AK4: variants seen among roughly 807,000 people sequenced by gnomAD.
AK4 encodes the protein adenylate kinase 4, mitochondrial.
In AK4, 13 loss-of-function variants were observed where a neutral mutation model predicts 24.6. That is an observed-to-expected ratio of 0.53 (90% CI 0.34 to 0.84). The LOEUF (loss-of-function observed/expected upper bound fraction) is 0.84. Ranked by LOEUF, AK4 falls within the 40% of genes least tolerant of loss-of-function variation. The pLI, the probability that AK4 is intolerant of heterozygous loss-of-function variation, is 0.01. For synonymous variants in AK4, 88 were observed against 107.0 expected (o/e 0.82, Z 1.10); for missense variants, 192 against 288.2 (o/e 0.67, Z 2.42).
At chr1:65,152,694 T>A (rs1191667058) in intron 1 of AK4, among the ~76,000 whole-genome samples, 1 of 151,992 alleles carries the variant, frequency 6.6e-6, no homozygotes, top group African/African-American at 2.4e-5. Context: ...CCACCGCACC[T>A]GGCCTCTGCT....
At chr1:65,155,271 G>C (rs904539619) in intron 1 of AK4, among the ~76,000 whole-genome samples, 2 of 150,662 alleles carry the variant, frequency 1.3e-5, no homozygotes, top group African/African-American at 4.9e-5. Context: ...CCAGGAGTTC[G>C]AGACCAGCCT....
At chr1:65,170,533 G>A (rs1650480603) in intron 1 of AK4, among the ~76,000 whole-genome samples, 1 of 152,234 alleles carries the variant, frequency 6.6e-6, no homozygotes. Context: ...GCGTAGAGGA[G>A]CCTAGCCAAA....
chr1:65,152,368 A>ATCTCTCTC (rs1557434455), intron 1 of AK4, among the ~76,000 whole-genome samples: 12 of 58,588 alleles, frequency 2.0e-4, no homozygotes, highest in African/African-American at 6.8e-4. Flanking sequence ...CTCTATATAT[A>ATCTCTCTC]TATATATATA....
intron 2 of AK4, among the ~76,000 whole-genome samples, chr1:65,212,942 A>G (rs1194936022): frequency 6.6e-6 from 1 of 152,212 alleles, no homozygotes; most frequent in Non-Finnish European, 1.5e-5. Flanking sequence ...ACAGTTTAGT[A>G]TATGTGAAGC....
intron 1 of AK4, 126 bp from the exon 2 acceptor site, chr1:65,190,584 T>C (rs2101041002): frequency 9.1e-7 from 1 of 1,100,506 alleles, no homozygotes; most frequent in Non-Finnish European, 1.3e-6. Context: ...TTAAAACATG[T>C]CTACAACTTC....
At position 65,183,285 on chromosome 1, in the gene AK4, C is replaced by T. The variant is rs111888812; in HGVS notation, c.146-7425C>T. Among the ~76,000 whole-genome samples the T allele has an allele frequency of 8.5e-5, 13 of 152,138 alleles. No individual in the cohort carries two copies. The South Asian group carries it at 2.5e-3, about 29-fold the overall frequency. The stretch of plus-strand genomic sequence containing the variant: ...TTTTGTTTTGAGTCAGAGTCTTGCT[C>T]TGTCGCCCAAGCTGGAGTGAAGTGG... On this transcript the variant is annotated intron_variant, in intron 1 of 4. Transcript: ENST00000327299.
At chr1:65,196,657 G>A (rs1281324269) in intron 2 of AK4, among the ~76,000 whole-genome samples, 1 of 152,078 alleles carries the variant, frequency 6.6e-6, no homozygotes, top group Non-Finnish European at 1.5e-5. Context: ...GTAGAGATGG[G>A]GTTGCACCAT....
At chr1:65,153,779 C>A (rs1192449546) in intron 1 of AK4, among the ~76,000 whole-genome samples, 1 of 152,026 alleles carries the variant, frequency 6.6e-6, no homozygotes, top group Non-Finnish European at 1.5e-5. Flanking sequence ...CTCATTCATA[C>A]CGTAAACAAT....
intron 2 of AK4, among the ~76,000 whole-genome samples, chr1:65,212,743 C>G (rs765430681): frequency 1.3e-5 from 2 of 152,152 alleles, no homozygotes; most frequent in Non-Finnish European, 2.9e-5. Flanking sequence ...ATGCCTGATA[C>G]AGCAGCATCG....
chr1:65,175,107 G>A (rs572883685), intron 1 of AK4, among the ~76,000 whole-genome samples: 2 of 152,118 alleles, frequency 1.3e-5, no homozygotes, highest in Admixed American at 6.5e-5. Context: ...GACAACCCCT[G>A]GTCCAGTACT....
At chr1:65,163,755 C>A (rs866433899) in intron 1 of AK4, among the ~76,000 whole-genome samples, 3 of 152,124 alleles carry the variant, frequency 2.0e-5, no homozygotes, top group African/African-American at 4.8e-5. Flanking sequence ...TATTATTACT[C>A]AAATCAATCT....
In AK4 at chr1:65,184,288, T is replaced by C. The variant is rs192172682; in HGVS notation, c.146-6422T>C. 2.8e-3 allele frequency among the ~76,000 whole-genome samples: 421 copies of C among 152,332 alleles called. 1 individual carries two copies. The highest frequency in any genetic ancestry group is 9.1e-3 in the African/African-American group (380 of 41,582). ...CCATCCATCTATCTTTCTCTCTATA[T>C]GAACACATAATTTTGTTATATATAA... On this transcript the variant is annotated intron_variant, in intron 1 of 4. Transcript: ENST00000327299.
chr1:65,182,544 A>T (rs1167544637), intron 1 of AK4, among the ~76,000 whole-genome samples: 1 of 152,214 alleles, frequency 6.6e-6, no homozygotes, highest in African/African-American at 2.4e-5. Flanking sequence ...AGATAAAAAA[A>T]AAAAGACCTC....
intron 1 of AK4, among the ~76,000 whole-genome samples, chr1:65,186,552 G>A (rs1651107626): frequency 6.6e-6 from 1 of 152,162 alleles, no homozygotes; most frequent in African/African-American, 2.4e-5. Context: ...AGTAGAGGGG[G>A]CAGAAAGTGA....
At chr1:65,209,802 CTTTTTCTTT>C (rs780099498) in intron 2 of AK4, among the ~76,000 whole-genome samples, 109 of 152,032 alleles carry the variant, frequency 7.2e-4, no homozygotes, top group South Asian at 1.5e-3. Context: ...GTATGTTTTT[CTTTTTCTTT>C]TTTTTCTTTT....
chr1:65,229,493 C>T lies in AK4; in HGVS notation c.*3316C>T, dbSNP rs1652570474. 2 of 151,724 alleles carry T rather than the reference C, an allele frequency of 1.3e-5. No homozygotes were observed. The highest frequency in any genetic ancestry group is 6.6e-5 in the Admixed American group (1 of 15,242). 9.4% of individuals were successfully genotyped at this position (151,724 alleles called of 1,614,324 possible). On this transcript the variant is annotated 3_prime_UTR_variant, in exon 5 of 5. Transcript: ENST00000327299. ...AGGCTGCAGTGAGCTATGATTGCACCTCTGCACCCAAGCCTGGGCGACACA... is the reference window on the plus strand; with the variant it reads ...AGGCTGCAGTGAGCTATGATTGCACTTCTGCACCCAAGCCTGGGCGACACA...
At chr1:65,156,789 G>A (rs961384135) in intron 1 of AK4, among the ~76,000 whole-genome samples, 6 of 151,994 alleles carry the variant, frequency 3.9e-5, no homozygotes, top group Non-Finnish European at 7.4e-5. Flanking sequence ...GGGCGTGGTG[G>A]CACATGCCTG....
Position 65,190,193 on chromosome 1 carries a change from C to G in AK4, c.146-517C>G, listed in dbSNP as rs114702288. On this transcript the variant is annotated intron_variant, in intron 1 of 4. Coordinates refer to ENST00000327299, the MANE Select transcript of AK4 (RefSeq NM_013410.4). ...TCCTGCTTCTTGACTTTATTTTCTA[C>G]TCTTATTTTTTTCTTGACCAATTTA... Among the ~76,000 whole-genome samples, 163 of 152,038 alleles carry G rather than the reference C, an allele frequency of 1.1e-3. 1 individual carries two copies. The highest frequency in any genetic ancestry group is 3.8e-3 in the African/African-American group (157 of 41,524).
intron 1 of AK4, among the ~76,000 whole-genome samples, chr1:65,172,420 T>G (rs1650567030): frequency 6.6e-6 from 1 of 152,040 alleles, no homozygotes. Context: ...TTTCCTCCTT[T>G]TATTTGGCGG....
Sources: allele counts gnomAD v4.1 joint callset (sites outside exome capture counted in the v4.1 genomes callset), GRCh38; gene constraint gnomAD v4.1.1; transcripts MANE v1.5; gene names NCBI Gene and HGNC (gene_info 2026-07-23, HGNC 2026-07-21).